The following KDM5C variants were observed in gnomAD, a reference collection of about 807,000 sequenced individuals.
KDM5C encodes lysine-specific demethylase 5C.
A neutral mutation model predicts 110.6 loss-of-function variants in KDM5C; 16 were observed. The observed-to-expected ratio is 0.14, with a 90% CI of 0.10 to 0.22. The LOEUF is 0.22. Ranked by LOEUF, KDM5C falls within the 10% of genes least tolerant of loss-of-function variation. The probability of loss-of-function intolerance (pLI) is 1.00; values close to 1 mark genes in which losing one functional copy is unlikely to be tolerated. For missense variants in KDM5C, 681 were observed against 1,300.9 expected (o/e 0.52, Z 7.33); for synonymous variants, 511 against 520.4 (o/e 0.98, Z 0.24).
At chrX:53,210,169 GA>G (rs1569273347) in intron 12 of KDM5C, among the ~76,000 whole-genome samples, 2 of 112,519 alleles carry the variant, frequency 1.8e-5, no homozygotes, top group African/African-American at 6.5e-5. Flanking sequence ...ATGTAGATGT[GA>G]TAATAAGCCA....
downstream of KDM5C, chrX:53,191,534 A>G (rs1334285751): frequency 4.0e-5 from 7 of 173,424 alleles, no homozygotes; most frequent in Non-Finnish European, 5.5e-5. Context: ...TACATTATAT[A>G]TATCAATAAG....
In KDM5C at chrX:53,178,227, TC is replaced by T. The variant is rs1556824789; in HGVS notation, c.4309-1606del. ...CTGAAATGTGTTCAATATGTCTATA[TC>T]TTAGAACCTCTGCAACTCAATGTTT... On this transcript the variant is annotated intron_variant, in intron 25 of 25. Transcript: ENST00000685641. 7.0e-4 allele frequency among the ~76,000 whole-genome samples: 79 copies of T among 112,265 alleles called. 1 individual carries two copies. Among genetic ancestry groups the T allele is most frequent in the Non-Finnish European group, 9.6e-4 (51 of 53,330 alleles).
At chrX:53,220,973 G>T in intron 1 of KDM5C, 57 bp from the exon 2 acceptor site, 1 of 1,039,120 alleles carries the variant, frequency 9.6e-7, no homozygotes, top group South Asian at 1.9e-5. Flanking sequence ...TGTAAGACCG[G>T]AAGTCACCAA....
At chrX:53,219,965 T>C (rs2073852124) in intron 2 of KDM5C, among the ~76,000 whole-genome samples, 2 of 112,079 alleles carry the variant, frequency 1.8e-5, no homozygotes, top group Non-Finnish European at 3.8e-5. Context: ...ACTCCTGAGC[T>C]CAAGCAATCC....
Position 53,192,880 on chromosome X carries a change from C to CCCCCCCCCCCAACA in KDM5C, c.*86_*87insTGTTGGGGGGGGGG. 1 of 1,041,142 alleles carries CCCCCCCCCCCAACA rather than the reference C, an allele frequency of 9.6e-7. No individual in the cohort carries two copies. Among genetic ancestry groups the CCCCCCCCCCCAACA allele is most frequent in the Non-Finnish European group, 1.3e-6 (1 of 792,326 alleles). The allele number at this position is 1,041,142 out of a possible 1,213,427, so 85.8% of individuals were successfully genotyped here. A position where few individuals can be genotyped will look rare whatever the true frequency, so the allele number is the denominator to read the frequency against. ...ATGGCCACCCCCCTACCCGCCCACC[C>CCCCCCCCCCCAACA]CCCAAGAAGCAGGCTTGATGGTCAG... On this transcript the variant is annotated 3_prime_UTR_variant, in exon 26 of 26. Transcript: ENST00000375401.
intron 17 of KDM5C, 37 bp downstream of exon 17, chrX:53,198,453 C>A: frequency 8.4e-7 from 1 of 1,185,145 alleles, no homozygotes; most frequent in Non-Finnish European, 1.1e-6. Context: ...GGATCCTCAG[C>A]ACCTTATGTG....
chrX:53,214,450 TGTCACCACATATA>T (rs782408400), intron 8 of KDM5C: 66 of 413,333 alleles, frequency 1.6e-4, no homozygotes, highest in Non-Finnish European at 2.5e-4. Context: ...TCTGTTTATA[TGTCACCACATATA>T]GTCTAATTAT....
intron 12 of KDM5C, among the ~76,000 whole-genome samples, chrX:53,206,601 C>T (rs1164021306): frequency 6.3e-5 from 7 of 110,943 alleles, no homozygotes; most frequent in Middle Eastern, 4.7e-3. Flanking sequence ...CGGTGTCTCA[C>T]GCTTATAATC....
At position 53,194,242 on chromosome X, in the gene KDM5C, C is replaced by T. The variant is rs971564188; in HGVS notation, c.3935G>A (p.Arg1312His). ...TALLGRLAEL[R>H]QRLQAEPRPE... ...TCTAGGTTCAGCCTGTAGCCGTTGG[C>T]GGAGCTCAGCCAGCCGTCCCAAAAG... The change falls in exon 23 of 26, where the codon CGC (arginine) becomes CAC (histidine). Residue 1312 changes from arginine (R) to histidine (H), a missense_variant. This residue lies in a region of KDM5C where 88 missense variants were observed against 85.6 expected (regional missense o/e 1.03). Coordinates refer to ENST00000375401, the MANE Select transcript of KDM5C (RefSeq NM_004187.5). The T allele has an allele frequency of 4.1e-5, 50 of 1,210,601 alleles. No individual in the cohort carries two copies. The Admixed American group carries it at 1.0e-3, about 25-fold the overall frequency.
At position 53,194,967 on chromosome X, in the gene KDM5C, C is replaced by T. The variant is rs1556835381; in HGVS notation, c.3402G>A (p.Gly1134=). ...GLYKSDTELL[G]LSAQDLRDPG... ...GGTCCCTGAGGTCCTGCGCAGACAG[C>T]CCCAGCAGCTCTGTGTCAGATTTGT... Residue 1134 remains glycine (G), a synonymous_variant, in exon 22 of 26, where the codon GGG becomes GGA. Coordinates refer to ENST00000375401, the MANE Select transcript of KDM5C (RefSeq NM_004187.5). The T allele has an allele frequency of 4.1e-6, 5 of 1,211,177 alleles. No homozygotes were observed. The Admixed American group carries it at 8.7e-5, about 21-fold the overall frequency.
At position 53,193,071 on chromosome X, in the gene KDM5C, C is replaced by A; in HGVS notation, c.4579G>T (p.Glu1527Ter). Residue 1527 changes from glutamate (E) to a stop codon, truncating the protein, a stop_gained, in exon 26 of 26, where the codon GAA becomes TAA. Coordinates refer to ENST00000375401, the MANE Select transcript of KDM5C (RefSeq NM_004187.5). LOFTEE classifies it high-confidence loss of function. ...CCTGAAGTGGTCCCTTCCGCCGGTT[C>A]CAAGCCATTCTGGTTCTCCTGGGTG... ...PSTQENQNGLEPAEGTTSGPS... is the reference protein window; with the variant it reads ...PSTQENQNGL 8.3e-7 allele frequency: 1 copy of A among 1,209,089 alleles called. No homozygotes were observed. The highest frequency in any genetic ancestry group is 1.1e-6 in the Non-Finnish European group (1 of 894,256).
chrX:53,188,670 C>T (rs1437800340), downstream of KDM5C, among the ~76,000 whole-genome samples: 2 of 111,241 alleles, frequency 1.8e-5, no homozygotes, highest in Non-Finnish European at 3.8e-5. Context: ...CCACTGTGCC[C>T]GGCAGTAACT....
chrX:53,204,238 C>CTTTTTTT (rs10604955), intron 12 of KDM5C, among the ~76,000 whole-genome samples: 4 of 60,797 alleles, frequency 6.6e-5, no homozygotes, highest in East Asian at 5.0e-4. Flanking sequence ...AAAGAAAATC[C>CTTTTTTT]TTTTTTTTTT....
chrX:53,212,006 C>T, intron 8 of KDM5C, 100 bp from the exon 9 acceptor site: 2 of 1,030,464 alleles, frequency 1.9e-6, no homozygotes, highest in Non-Finnish European at 2.7e-6. Flanking sequence ...GGAGAAGAGC[C>T]CTAGGTCTGC....
At position 53,224,746 on chromosome X, in the gene KDM5C, T is replaced by G. The variant is rs2146978105; in HGVS notation, c.144A>C (p.Pro48=). 1 of 1,211,361 alleles carries G rather than the reference T, an allele frequency of 8.3e-7. No individual in the cohort carries two copies. The highest frequency in any genetic ancestry group is 1.8e-5 in the South Asian group (1 of 56,954). ...AEKSGICKIR[P]PADWQPPFAV... is the part of the protein sequence containing the mutation. ...AACCGGCCCCGGGGCTTACCGCGGG[T>G]GGGCGGATCTTGCAAATGCCCGATT... Residue 48 remains proline (P), a synonymous_variant, in exon 1 of 26, where the codon CCA becomes CCC. Transcript: ENST00000375401.
intron 12 of KDM5C, among the ~76,000 whole-genome samples, chrX:53,207,102 G>A (rs376209944): frequency 2.0e-5 from 2 of 100,262 alleles, no homozygotes; most frequent in East Asian, 3.2e-4. Context: ...GCTTGAACCC[G>A]GGAGGCGGAG....
intron 12 of KDM5C, among the ~76,000 whole-genome samples, chrX:53,205,751 G>A (rs918558054): frequency 1.6e-4 from 18 of 112,219 alleles, no homozygotes; most frequent in Non-Finnish European, 7.5e-5. Flanking sequence ...ATACACAAAC[G>A]CAGGCACTGG....
chrX:53,186,334 G>A (rs1363338129), downstream of KDM5C, among the ~76,000 whole-genome samples: 1 of 111,838 alleles, frequency 8.9e-6, no homozygotes, highest in African/African-American at 3.2e-5. Flanking sequence ...CCCAGGAGCA[G>A]AGAAAAATAA....
chrX:53,182,514 C>T (rs1225920641), intron 25 of KDM5C, among the ~76,000 whole-genome samples: 1 of 112,138 alleles, frequency 8.9e-6, no homozygotes, highest in African/African-American at 3.2e-5. Flanking sequence ...ATTACAGGCA[C>T]ATGCCACCAC....
Sources: allele counts gnomAD v4.1 joint callset (sites outside exome capture counted in the v4.1 genomes callset), GRCh38; gene constraint gnomAD v4.1.1; regional missense constraint gnomAD v4.1.1; transcripts MANE v1.5; gene names NCBI Gene and HGNC (gene_info 2026-07-23, HGNC 2026-07-21).